Variants in DLGAP1 observed in about 807,000 individuals in gnomAD.
DLGAP1 encodes the protein DLG associated protein 1.
Under a neutral mutation model 90.8 loss-of-function variants are expected in DLGAP1, and 11 were observed. The observed-to-expected ratio is 0.12, with a 90% CI of 0.08 to 0.20. The LOEUF (loss-of-function observed/expected upper bound fraction) is 0.20. Among genes scored for constraint, DLGAP1 ranks in the 10% least tolerant of loss-of-function variants. The pLI, the probability that DLGAP1 is intolerant of heterozygous loss-of-function variation, is 1.00. For missense variants in DLGAP1, 1,050 were observed against 1,333.8 expected (o/e 0.79, Z 3.31); for synonymous variants, 558 against 540.7 (o/e 1.03, Z -0.44).
intron 7 of DLGAP1, among the ~76,000 whole-genome samples, chr18:3,705,482 T>A (rs945210505): frequency 6.6e-6 from 1 of 151,858 alleles, no homozygotes; most frequent in Non-Finnish European, 1.5e-5. Flanking sequence ...ATCATACTGA[T>A]TTAGTCGCAG....
intron 1 of DLGAP1, among the ~76,000 whole-genome samples, chr18:4,429,308 T>G (rs1164864580): frequency 6.6e-6 from 1 of 152,210 alleles, no homozygotes; most frequent in Non-Finnish European, 1.5e-5. Context: ...ATTGCTGAAT[T>G]TATCAACAGC....
Position 4,342,073 on chromosome 18 carries a change from C to T in DLGAP1, c.-267+112933G>A, listed in dbSNP as rs182347292. Among the ~76,000 whole-genome samples the T allele has an allele frequency of 2.2e-4, 34 of 152,054 alleles. No individual in the cohort carries two copies. In the East Asian group the frequency reaches 3.1e-3, roughly 14 times the overall value. On this transcript the variant is annotated intron_variant, in intron 1 of 12. Coordinates refer to ENST00000315677, the MANE Select transcript of DLGAP1 (RefSeq NM_004746.4). The surrounding 1 kb of genome is among the most constrained non-coding windows in gnomAD (Gnocchi z 5.8). The stretch of plus-strand genomic sequence containing the variant: ...CTGAGCGGATAAAGTCCTCGGCATG[C>T]GGTGAACACTAAATAAATGTTCCTT...
At position 3,967,208 on chromosome 18, in the gene DLGAP1, A is replaced by G. The variant is rs113301394; in HGVS notation, c.-73+37908T>C. On this transcript the variant is annotated intron_variant, in intron 3 of 12. Transcript: ENST00000315677. ...ACATTGTAGAGGGCATTCCATAAAT[A>G]CTAACTTATCTTTCTTCCTCAAAAC... Among the ~76,000 whole-genome samples, 450 of 152,360 alleles carry G rather than the reference A, an allele frequency of 3.0e-3. 2 individuals are homozygous for G. The highest frequency in any genetic ancestry group is 0.01 in the African/African-American group (424 of 41,588).
chr18:3,981,160 G>T (rs1030343582), intron 3 of DLGAP1, among the ~76,000 whole-genome samples: 22 of 152,226 alleles, frequency 1.4e-4, no homozygotes, highest in Admixed American at 9.8e-4. Flanking sequence ...CGGGCAGAAT[G>T]CCGGATATTT....
intron 7 of DLGAP1, among the ~76,000 whole-genome samples, chr18:3,687,702 G>A (rs1487304931): frequency 6.6e-6 from 1 of 152,108 alleles, no homozygotes; most frequent in Admixed American, 6.6e-5. Context: ...TTGCAAAAGT[G>A]TATACAGGAC....
intron 3 of DLGAP1, among the ~76,000 whole-genome samples, chr18:3,914,756 G>A (rs1002160166): frequency 1.3e-5 from 2 of 152,018 alleles, no homozygotes; most frequent in Admixed American, 6.6e-5. Context: ...TAATAGCCAT[G>A]TTATTATTAT....
intron 5 of DLGAP1, among the ~76,000 whole-genome samples, chr18:3,782,846 C>T (rs1054410708): frequency 3.3e-5 from 5 of 152,064 alleles, no homozygotes; most frequent in African/African-American, 4.8e-5. Flanking sequence ...TCAAAGGACA[C>T]CTCAAGAAAT....
chr18:4,072,681 G>A (rs1268952429), intron 2 of DLGAP1, among the ~76,000 whole-genome samples: 1 of 152,106 alleles, frequency 6.6e-6, no homozygotes, highest in East Asian at 1.9e-4. Context: ...TGTTGGCCAC[G>A]CTGGTCTTGA....
In DLGAP1 at chr18:4,381,271, CAAAT is replaced by C. The variant is rs1165909859; in HGVS notation, c.-267+73731_-267+73734del. 3.9e-5 allele frequency among the ~76,000 whole-genome samples: 6 copies of C among 152,146 alleles called. No homozygotes were observed. The South Asian group carries it at 8.3e-4, about 21-fold the overall frequency. On this transcript the variant is annotated intron_variant, in intron 1 of 12. Coordinates refer to ENST00000315677, the MANE Select transcript of DLGAP1 (RefSeq NM_004746.4). ...CAGAGATGATTGCATGATACATAGACAAATAGATAGACATAAAAAATGAACAATC... is the reference window on the plus strand; with the variant it reads ...CAGAGATGATTGCATGATACATAGACAGATAGACATAAAAAATGAACAATC...
chr18:3,672,270 T>G (rs1490609994), intron 7 of DLGAP1, among the ~76,000 whole-genome samples: 1 of 150,426 alleles, frequency 6.6e-6, no homozygotes, highest in African/African-American at 2.4e-5. Flanking sequence ...TGGCTTCTAC[T>G]TATCTATTTC....
chr18:4,446,326 G>A (rs2083666524), intron 1 of DLGAP1, among the ~76,000 whole-genome samples: 1 of 152,158 alleles, frequency 6.6e-6, no homozygotes, highest in East Asian at 1.9e-4. Flanking sequence ...ATGACCTCAA[G>A]AGCATTTTAG....
intron 1 of DLGAP1, among the ~76,000 whole-genome samples, chr18:4,391,737 G>C (rs1306832487): frequency 1.3e-5 from 2 of 152,136 alleles, no homozygotes; most frequent in African/African-American, 4.8e-5. Flanking sequence ...TACACCCTTT[G>C]TTAAGGTATG....
At chr18:4,154,942 A>G (rs1258828904) in intron 1 of DLGAP1, among the ~76,000 whole-genome samples, 1 of 152,212 alleles carries the variant, frequency 6.6e-6, no homozygotes. Context: ...GAAAGTAAAT[A>G]ATAAATGTAA....
chr18:4,126,740 T>C (rs1211561632), intron 2 of DLGAP1, among the ~76,000 whole-genome samples: 1 of 152,182 alleles, frequency 6.6e-6, no homozygotes, highest in South Asian at 2.1e-4. Context: ...ATCTCATTAC[T>C]CTAACAGTGG....
At position 3,498,855 on chromosome 18, in the gene DLGAP1, A is replaced by G. The variant is rs1451163687; in HGVS notation, c.*330T>C. On this transcript the variant is annotated 3_prime_UTR_variant, in exon 13 of 13. Transcript: ENST00000315677. ...ACAGACTAGCTCGAGAGAACTGAGG[A>G]CGGCGGGTGACCTAAAGGCATCACT... is the stretch of plus-strand genomic sequence containing the variant. 2 of 334,414 alleles carry G rather than the reference A, an allele frequency of 6.0e-6. No homozygotes were observed. Among genetic ancestry groups the G allele is most frequent in the Non-Finnish European group, 1.1e-5 (2 of 185,266 alleles). The allele number at this position is 334,414 out of a possible 1,614,324, so 20.7% of individuals were successfully genotyped here. A position where few individuals can be genotyped will look rare whatever the true frequency, so the allele number is the denominator to read the frequency against.
chr18:4,333,608 T>TTATA (rs10635642), intron 1 of DLGAP1, among the ~76,000 whole-genome samples: 3 of 148,720 alleles, frequency 2.0e-5, no homozygotes, highest in African/African-American at 7.6e-5. Context: ...GCTCAAGACA[T>TTATA]TATATATATA....
chr18:3,926,577 T>C (rs961683328), intron 3 of DLGAP1, among the ~76,000 whole-genome samples: 1 of 151,982 alleles, frequency 6.6e-6, no homozygotes, highest in Non-Finnish European at 1.5e-5. Context: ...TGTATATATA[T>C]ATACACATAT....
rs145947567 is a variant in DLGAP1, at chr18:4,092,985, C to T, written c.-159+58195G>A. 6.6e-5 allele frequency among the ~76,000 whole-genome samples: 10 copies of T among 152,324 alleles called. No individual in the cohort carries two copies. The East Asian group carries it at 1.9e-3, about 29-fold the overall frequency. ...TTCCTCCAGTGCTCACAACCCACATCGTCCTGGAGGAGCTTGTCTTTCTTA... is the reference window on the plus strand; with the variant it reads ...TTCCTCCAGTGCTCACAACCCACATTGTCCTGGAGGAGCTTGTCTTTCTTA... On this transcript the variant is annotated intron_variant, in intron 2 of 12. Transcript: ENST00000315677.
chr18:3,934,834 A>G (rs959058990), intron 3 of DLGAP1, among the ~76,000 whole-genome samples: 7 of 152,230 alleles, frequency 4.6e-5, no homozygotes, highest in Non-Finnish European at 1.5e-5. Context: ...CAGTGACTAC[A>G]CAAGTCTGGC....
Sources: allele counts gnomAD v4.1 joint callset (sites outside exome capture counted in the v4.1 genomes callset), GRCh38; gene constraint gnomAD v4.1.1; non-coding constraint Gnocchi (gnomAD v3.1); transcripts MANE v1.5; gene names NCBI Gene and HGNC (gene_info 2026-07-23, HGNC 2026-07-21).